Variants in PIK3CB observed in about 807,000 individuals in gnomAD.
PIK3CB encodes the protein phosphatidylinositol-4,5-bisphosphate 3-kinase catalytic subunit beta.
Under a neutral mutation model 136.8 loss-of-function variants are expected in PIK3CB, and 39 were observed. The ratio of observed to expected loss-of-function variants is 0.29; its 90% CI spans 0.22 to 0.37. The LOEUF (loss-of-function observed/expected upper bound fraction) is 0.37. Ranked by LOEUF, PIK3CB falls within the 10% of genes least tolerant of loss-of-function variation. The pLI is 1.00. For missense variants in PIK3CB, 868 were observed against 1,275.4 expected (o/e 0.68, Z 4.87); for synonymous variants, 428 against 436.6 (o/e 0.98, Z 0.25).
chr3:138,797,754 ACTC>A (rs1396437647), intron 1 of PIK3CB, among the ~76,000 whole-genome samples: 1 of 151,964 alleles, frequency 6.6e-6, no homozygotes, highest in Non-Finnish European at 1.5e-5. Context: ...AACTCTCTGT[ACTC>A]CTGCTCAATT....
intron 2 of PIK3CB, chr3:138,778,554 G>A: frequency 4.5e-6 from 1 of 223,564 alleles, no homozygotes; most frequent in Non-Finnish European, 9.0e-6. Flanking sequence ...GACCTGACCT[G>A]CCATCTGGAG....
intron 20 of PIK3CB, among the ~76,000 whole-genome samples, chr3:138,664,805 T>G (rs1253263662): frequency 2.0e-5 from 3 of 152,206 alleles, no homozygotes; most frequent in Admixed American, 2.0e-4. Flanking sequence ...ATTCATAGAT[T>G]GTAACTTTAC....
chr3:138,712,318 T>C lies in PIK3CB; in HGVS notation c.1303-14A>G, dbSNP rs866471912. ...TACAGGATAATGCTGTTGAAAAAGA[T>C]ACCATTGCATAAATATGCTAAGAAT... is the stretch of plus-strand genomic sequence containing the variant. On this transcript the variant is annotated splice_polypyrimidine_tract_variant and intron_variant, in intron 9 of 23. Transcript: ENST00000674063. 3 of 1,247,682 alleles carry C rather than the reference T, an allele frequency of 2.4e-6. No individual in the cohort carries two copies. Among genetic ancestry groups the C allele is most frequent in the South Asian group, 1.4e-5 (1 of 69,854 alleles). 77.3% of individuals were successfully genotyped at this position (1,247,682 alleles called of 1,614,324 possible). A position where few individuals can be genotyped will look rare whatever the true frequency, so the allele number is the denominator to read the frequency against.
At chr3:138,824,688 C>T (rs1933703365) in intron 1 of PIK3CB, among the ~76,000 whole-genome samples, 1 of 150,792 alleles carries the variant, frequency 6.6e-6, no homozygotes, top group African/African-American at 2.4e-5. Context: ...AGCAAAACTC[C>T]ACTTCGGAAA....
Position 138,655,159 on chromosome 3 carries a change from T to C in PIK3CB, c.*230A>G. ...GCGTGCAAAGTCAGCAGGAAATGAT[T>C]ATCCATTGACAGTTTTCATGATAAG... is the stretch of plus-strand genomic sequence containing the variant. On this transcript the variant is annotated 3_prime_UTR_variant, in exon 24 of 24. Coordinates refer to ENST00000674063, the MANE Select transcript of PIK3CB (RefSeq NM_006219.3). The C allele has an allele frequency of 2.1e-6, 1 of 481,474 alleles. No individual in the cohort carries two copies. The highest frequency in any genetic ancestry group is 3.7e-6 in the Non-Finnish European group (1 of 272,976). 29.8% of individuals were successfully genotyped at this position (481,474 alleles called of 1,614,324 possible).
intron 1 of PIK3CB, among the ~76,000 whole-genome samples, chr3:138,812,533 C>CT (rs550881142): frequency 9.4e-4 from 129 of 136,986 alleles, no homozygotes; most frequent in African/African-American, 1.6e-3. Flanking sequence ...CTGTGCCTGG[C>CT]TTTTTTTTTT....
chr3:138,678,740 AAAAC>A (rs2043700395), intron 19 of PIK3CB, among the ~76,000 whole-genome samples: 1 of 152,192 alleles, frequency 6.6e-6, no homozygotes, highest in African/African-American at 2.4e-5. Context: ...AAAACAGACT[AAAAC>A]AAAATTACTA....
intron 2 of PIK3CB, chr3:138,778,465 G>C (rs1327623359): frequency 4.1e-6 from 1 of 241,104 alleles, no homozygotes; most frequent in African/African-American, 2.3e-5. Flanking sequence ...CCAAAGCTGT[G>C]GGCAAAGTCA....
At position 138,814,831 on chromosome 3, in the gene PIK3CB, A is replaced by G. The variant is rs143063025; in HGVS notation, c.-121-18264T>C. On this transcript the variant is annotated intron_variant, in intron 1 of 23. Transcript: ENST00000674063. Reference sequence around the variant, plus strand: ...AGCCTGGGCAACATGGCAAAACCCCATCTCTACAAAAAATACAAAAATTTG... The same window carrying G: ...AGCCTGGGCAACATGGCAAAACCCCGTCTCTACAAAAAATACAAAAATTTG... 2.0e-4 allele frequency among the ~76,000 whole-genome samples: 30 copies of G among 151,720 alleles called. No homozygotes were observed. The East Asian group carries it at 5.7e-3, about 29-fold the overall frequency.
intron 1 of PIK3CB, among the ~76,000 whole-genome samples, chr3:138,818,884 T>C (rs1395583453): frequency 6.6e-6 from 1 of 152,028 alleles, no homozygotes; most frequent in Non-Finnish European, 1.5e-5. Flanking sequence ...TAAAGAGAAA[T>C]AAAAGGAATA....
At chr3:138,794,548 G>A (rs1447657842) in intron 2 of PIK3CB, among the ~76,000 whole-genome samples, 1 of 152,106 alleles carries the variant, frequency 6.6e-6, no homozygotes, top group Non-Finnish European at 1.5e-5. Context: ...TGAAATAACT[G>A]TCTATGAGAT....
At chr3:138,778,464 T>C (rs1333578094) in intron 2 of PIK3CB, 1 of 242,324 alleles carries the variant, frequency 4.1e-6, no homozygotes, top group Admixed American at 5.2e-5. Context: ...GCCAAAGCTG[T>C]GGGCAAAGTC....
chr3:138,666,252 G>A (rs2043408039), intron 19 of PIK3CB, among the ~76,000 whole-genome samples: 1 of 151,926 alleles, frequency 6.6e-6, no homozygotes, highest in South Asian at 2.1e-4. Context: ...TCACCATAGC[G>A]TCAAATCCCT....
intron 1 of PIK3CB, among the ~76,000 whole-genome samples, chr3:138,828,184 CTTTTTTTT>C (rs1176715980): frequency 2.3e-5 from 3 of 131,092 alleles, no homozygotes; most frequent in African/African-American, 8.5e-5. Context: ...ATTAAATTTC[CTTTTTTTT>C]TTTTTTTTTT....
intron 15 of PIK3CB, 43 bp downstream of exon 15, chr3:138,690,950 ATAGTTAC>A: frequency 7.0e-7 from 1 of 1,423,712 alleles, no homozygotes; most frequent in South Asian, 1.3e-5. Flanking sequence ...ATGCTTGTTT[ATAGTTAC>A]TAAAGCACCT....
At chr3:138,754,479 A>G (rs1447922478) in intron 4 of PIK3CB, among the ~76,000 whole-genome samples, 1 of 152,166 alleles carries the variant, frequency 6.6e-6, no homozygotes, top group South Asian at 2.1e-4. Context: ...CAAACAAAAC[A>G]AAACACACCT....
intron 8 of PIK3CB, among the ~76,000 whole-genome samples, chr3:138,717,913 A>G (rs1576353325): frequency 6.6e-6 from 1 of 152,022 alleles, no homozygotes; most frequent in Non-Finnish European, 1.5e-5. Flanking sequence ...CATGTACCAC[A>G]TTTTCTTTAT....
chr3:138,671,853 G>A (rs1439831931), intron 19 of PIK3CB, among the ~76,000 whole-genome samples: 1 of 152,194 alleles, frequency 6.6e-6, no homozygotes, highest in Non-Finnish European at 1.5e-5. Context: ...GGGTTGGGTT[G>A]TACAATCTAA....
chr3:138,706,336 T>G (rs2044377563), intron 11 of PIK3CB, among the ~76,000 whole-genome samples: 1 of 152,220 alleles, frequency 6.6e-6, no homozygotes, highest in East Asian at 1.9e-4. Context: ...TAGCCCCCAT[T>G]AGATAATCTC....
Sources: gnomAD v4.1 joint callset for allele counts (sites outside exome capture counted in the v4.1 genomes callset) on GRCh38, gnomAD v4.1.1 for gene constraint, MANE v1.5 for transcripts, NCBI Gene and HGNC (gene_info 2026-07-23, HGNC 2026-07-21) for gene names.